NAA15: variants seen among roughly 807,000 people sequenced by gnomAD.
NAA15 encodes N-alpha-acetyltransferase 15, NatA auxiliary subunit, also known as N-terminal acetyltransferase.
A neutral mutation model predicts 114.0 loss-of-function variants in NAA15; 34 were observed. The observed-to-expected ratio is 0.30, with a 90% CI of 0.23 to 0.40. The LOEUF (loss-of-function observed/expected upper bound fraction) is 0.40, where lower values mean the gene tolerates loss of function less well. Among genes scored for constraint, NAA15 ranks in the 10% least tolerant of loss-of-function variants. The pLI is 1.00. For missense variants in NAA15, 658 were observed against 1,004.5 expected, an observed-to-expected ratio of 0.66 and a Z score of 4.66; for synonymous variants, 340 against 338.0, an observed-to-expected ratio of 1.01 and a Z score of -0.06.
intron 15 of NAA15, among the ~76,000 whole-genome samples, chr4:139,373,486 C>G (rs1348759774): frequency 6.6e-6 from 1 of 152,020 alleles, no homozygotes; most frequent in African/African-American, 2.4e-5. Context: ...AATAAATTAG[C>G]AGTAATTCCA....
rs573275717 is a variant in NAA15 at position 139,317,205 on chromosome 4, C to T, written c.54+15374C>T. On this transcript the variant is annotated intron_variant, in intron 1 of 19. Transcript: ENST00000296543. ...GGTCTTCAATGTTTATGCTCTTATACGTAAATTGGAGTTTTTAGTCATTTC... is the reference window on the plus strand; with the variant it reads ...GGTCTTCAATGTTTATGCTCTTATATGTAAATTGGAGTTTTTAGTCATTTC... Among the ~76,000 whole-genome samples the T allele has an allele frequency of 1.4e-3, 209 of 151,964 alleles. 2 individuals carry two copies. Among genetic ancestry groups the T allele is most frequent in the Non-Finnish European group, 2.2e-3 (150 of 67,978 alleles).
chr4:139,325,473 CT>C (rs910458782), intron 1 of NAA15, among the ~76,000 whole-genome samples: 2 of 152,060 alleles, frequency 1.3e-5, no homozygotes, highest in African/African-American at 4.8e-5. Context: ...ACCTTTTGTG[CT>C]TATGGGATTA....
chr4:139,345,864 T>C (rs1308363788), intron 6 of NAA15, among the ~76,000 whole-genome samples: 3 of 151,630 alleles, frequency 2.0e-5, no homozygotes, highest in Non-Finnish European at 4.4e-5. Flanking sequence ...GAGCTTGCAG[T>C]GAGCTGAGAT....
chr4:139,376,833 A>G (rs1036312324), intron 16 of NAA15, among the ~76,000 whole-genome samples: 3 of 152,210 alleles, frequency 2.0e-5, no homozygotes, highest in Non-Finnish European at 4.4e-5. Flanking sequence ...ATTATTAGCT[A>G]TTGTTATAAA....
chr4:139,387,503 G>A lies in NAA15; in HGVS notation c.2401-381G>A, dbSNP rs146821275. 9.3e-4 allele frequency among the ~76,000 whole-genome samples: 142 copies of A among 152,306 alleles called. 1 individual carries two copies. The highest frequency in any genetic ancestry group is 8.3e-3 in the South Asian group (40 of 4,824). On this transcript the variant is annotated intron_variant, in intron 19 of 19. Transcript: ENST00000296543. Reference sequence around the variant, plus strand: ...TTAGAAGGCATATGTGCAGTAATTGGTATTGGCATTGTAAATCTAGATGTT... The same window carrying A: ...TTAGAAGGCATATGTGCAGTAATTGATATTGGCATTGTAAATCTAGATGTT...
chr4:139,374,349 A>G (rs890220988), intron 15 of NAA15, among the ~76,000 whole-genome samples: 19 of 152,192 alleles, frequency 1.2e-4, no homozygotes, highest in African/African-American at 4.6e-4. Flanking sequence ...AAAGAATAAT[A>G]TGCATAATGA....
intron 13 of NAA15, among the ~76,000 whole-genome samples, chr4:139,361,050 T>C (rs1433949443): frequency 6.6e-6 from 1 of 152,190 alleles, no homozygotes; most frequent in Non-Finnish European, 1.5e-5. Flanking sequence ...TTATCTAATT[T>C]CATGCTGTTT....
intron 1 of NAA15, among the ~76,000 whole-genome samples, chr4:139,333,239 G>C (rs368750689): frequency 1.3e-5 from 2 of 152,108 alleles, no homozygotes; most frequent in East Asian, 3.9e-4. Context: ...GACTGTACTT[G>C]ATTGATGACT....
intron 7 of NAA15, among the ~76,000 whole-genome samples, chr4:139,349,998 C>CT: frequency 6.6e-6 from 1 of 150,752 alleles, no homozygotes; most frequent in East Asian, 1.9e-4. Flanking sequence ...AAAAAAAAAT[C>CT]TGAATACAAA....
chr4:139,357,630 T>G (rs1295225307), intron 11 of NAA15, 75 bp downstream of exon 11: 1 of 951,760 alleles, frequency 1.1e-6, no homozygotes, highest in Non-Finnish European at 1.5e-6. Flanking sequence ...TTTTATAGAT[T>G]CTAAATATAG....
intron 17 of NAA15, among the ~76,000 whole-genome samples, chr4:139,381,799 GCTTAATTTATT>G (rs1195571557): frequency 6.6e-6 from 1 of 152,100 alleles, no homozygotes; most frequent in Non-Finnish European, 1.5e-5. Context: ...ATTGGTGCTT[GCTTAATTTATT>G]CATTCTGTTA....
intron 2 of NAA15, among the ~76,000 whole-genome samples, chr4:139,335,007 T>C (rs1747150656): frequency 6.6e-6 from 1 of 152,152 alleles, no homozygotes; most frequent in South Asian, 2.1e-4. Context: ...TGGAAAACAA[T>C]GGAGATAAAA....
intron 10 of NAA15, among the ~76,000 whole-genome samples, chr4:139,356,895 A>C (rs1560972235): frequency 6.7e-6 from 1 of 149,492 alleles, no homozygotes; most frequent in East Asian, 2.0e-4. Flanking sequence ...ATATATTAAG[A>C]ATATAATCAC....
chr4:139,316,133 A>G (rs746632424), intron 1 of NAA15, among the ~76,000 whole-genome samples: 3 of 151,826 alleles, frequency 2.0e-5, no homozygotes, highest in Non-Finnish European at 2.9e-5. Flanking sequence ...GAAGTTCTCA[A>G]TCACTTCTTG....
intron 15 of NAA15, among the ~76,000 whole-genome samples, chr4:139,375,711 A>C (rs959491288): frequency 1.3e-5 from 2 of 152,152 alleles, no homozygotes; most frequent in African/African-American, 4.8e-5. Context: ...TCTTGTCTTA[A>C]TATTCAGTCC....
Position 139,342,945 on chromosome 4 carries a change from T to C in NAA15, c.522T>C (p.Phe174=), listed in dbSNP as rs758113354. 7.4e-6 allele frequency: 12 copies of C among 1,612,898 alleles called. 2 individuals are homozygous for C. The African/African-American group carries it at 8.0e-5, about 11-fold the overall frequency. Reference sequence around the variant, plus strand: ...TGGCAGCAAAGATTTTAGAAGAATTTAGGAAAACACAACAGGTAATAACTA... The same window carrying C: ...TGGCAGCAAAGATTTTAGAAGAATTCAGGAAAACACAACAGGTAATAACTA... ...YEMAAKILEE[F]RKTQQTSPDK... is the part of the protein sequence containing the mutation. Residue 174 remains phenylalanine, a synonymous_variant, in exon 5 of 20, where the codon TTT becomes TTC. Transcript: ENST00000296543.
intron 1 of NAA15, among the ~76,000 whole-genome samples, chr4:139,310,683 A>G (rs989627067): frequency 5.9e-5 from 9 of 151,446 alleles, no homozygotes; most frequent in African/African-American, 2.2e-4. Context: ...CAGTGGCACA[A>G]TTTTAGTTTA....
intron 1 of NAA15, among the ~76,000 whole-genome samples, chr4:139,315,523 CAACAAT>C (rs1423896162): frequency 2.0e-5 from 3 of 150,214 alleles, no homozygotes; most frequent in Non-Finnish European, 4.4e-5. Flanking sequence ...GTCTCAAGAA[CAACAAT>C]AACAACAACA....
At chr4:139,303,532 C>T (rs1223531079) in intron 1 of NAA15, among the ~76,000 whole-genome samples, 1 of 152,146 alleles carries the variant, frequency 6.6e-6, no homozygotes, top group African/African-American at 2.4e-5. Flanking sequence ...CACGGTGTCT[C>T]ATGCCTGTAA....
Sources: allele counts gnomAD v4.1 joint callset (sites outside exome capture counted in the v4.1 genomes callset), GRCh38; gene constraint gnomAD v4.1.1; transcripts MANE v1.5; gene names NCBI Gene and HGNC (gene_info 2026-07-23, HGNC 2026-07-21).